The following IL1RAPL2 variants were observed in gnomAD, a reference collection of about 807,000 sequenced individuals.
IL1RAPL2 encodes the protein X-linked interleukin-1 receptor accessory protein-like 2.
Under a neutral mutation model 44.1 loss-of-function variants are expected in IL1RAPL2, and 3 were observed. The observed-to-expected ratio is 0.07, with a 90% CI of 0.03 to 0.18. The LOEUF is 0.18. Among genes scored for constraint, IL1RAPL2 ranks in the 10% least tolerant of loss-of-function variants. The pLI is 1.00. For synonymous variants in IL1RAPL2, 181 were observed against 178.8 expected (o/e 1.01, Z -0.10); for missense variants, 391 against 496.4 (o/e 0.79, Z 2.02).
At chrX:104,791,271 A>G (rs1932825183) in intron 2 of IL1RAPL2, among the ~76,000 whole-genome samples, 1 of 93,088 alleles carries the variant, frequency 1.1e-5, no homozygotes, top group Admixed American at 1.3e-4. Flanking sequence ...GCCCAGGGAG[A>G]AACAACCAAT....
At chrX:104,800,752 C>G (rs979073336) in intron 2 of IL1RAPL2, among the ~76,000 whole-genome samples, 3 of 112,290 alleles carry the variant, frequency 2.7e-5, no homozygotes, top group Non-Finnish European at 3.8e-5. Context: ...ATGCACTATC[C>G]CCCAGCAGAG....
At chrX:104,837,146 G>A (rs1168624113) in intron 2 of IL1RAPL2, among the ~76,000 whole-genome samples, 4 of 111,235 alleles carry the variant, frequency 3.6e-5, no homozygotes, top group Non-Finnish European at 7.5e-5. Context: ...CATTTGGGTT[G>A]GTTTCATGTC....
chrX:105,076,056 G>A (rs867829456), intron 2 of IL1RAPL2, among the ~76,000 whole-genome samples: 1 of 111,396 alleles, frequency 9.0e-6, no homozygotes, highest in Non-Finnish European at 1.9e-5. Context: ...GTTCTGCTCT[G>A]ATTTTAGTTA....
chrX:105,051,097 C>CAGCCTT (rs1274827703), intron 2 of IL1RAPL2, among the ~76,000 whole-genome samples: 1 of 112,669 alleles, frequency 8.9e-6, no homozygotes, highest in African/African-American at 3.2e-5. Flanking sequence ...GCTGGGCCCT[C>CAGCCTT]AGCCTTCAGG....
At chrX:104,986,515 G>A (rs1168805467) in intron 2 of IL1RAPL2, among the ~76,000 whole-genome samples, 2 of 112,076 alleles carry the variant, frequency 1.8e-5, no homozygotes, top group Non-Finnish European at 3.8e-5. Flanking sequence ...TACAAAAGTA[G>A]AACAACTAGT....
chrX:105,741,760 A>G (rs2038501941), intron 8 of IL1RAPL2, among the ~76,000 whole-genome samples: 1 of 111,909 alleles, frequency 8.9e-6, no homozygotes, highest in South Asian at 3.7e-4. Context: ...GAAGACCCAG[A>G]TTCAGGAGAT....
chrX:105,301,843 A>G (rs1403896681), intron 5 of IL1RAPL2, among the ~76,000 whole-genome samples: 1 of 112,228 alleles, frequency 8.9e-6, no homozygotes, highest in African/African-American at 3.2e-5. Context: ...ATCAGAGTGC[A>G]GATATATTTT....
At chrX:105,447,210 TATATATAAA>T (rs2035967877) in intron 5 of IL1RAPL2, among the ~76,000 whole-genome samples, 1 of 13,244 alleles carries the variant, frequency 7.6e-5, no homozygotes, top group African/African-American at 9.7e-4. Context: ...TATATATAAA[TATATATAAA>T]ATATATATAA....
chrX:105,040,356 T>C (rs1451726832), intron 2 of IL1RAPL2, among the ~76,000 whole-genome samples: 1 of 111,418 alleles, frequency 9.0e-6, no homozygotes, highest in Non-Finnish European at 1.9e-5. Context: ...TTTAGTTGTG[T>C]CTCTGCCAGG....
intron 5 of IL1RAPL2, among the ~76,000 whole-genome samples, chrX:105,333,274 C>T (rs887072873): frequency 9.0e-6 from 1 of 111,603 alleles, no homozygotes; most frequent in African/African-American, 3.3e-5. Flanking sequence ...GAAAGACCAT[C>T]TTTTCAATAA....
At chrX:104,926,512 G>C (rs1352410671) in intron 2 of IL1RAPL2, among the ~76,000 whole-genome samples, 1 of 111,795 alleles carries the variant, frequency 8.9e-6, no homozygotes, top group Non-Finnish European at 1.9e-5. Flanking sequence ...TTGATGTGAA[G>C]ATTAGATTGT....
chrX:105,032,302 C>G (rs777235165), intron 2 of IL1RAPL2, among the ~76,000 whole-genome samples: 1 of 107,496 alleles, frequency 9.3e-6, no homozygotes, highest in Non-Finnish European at 1.9e-5. Context: ...TTTTCTAGTT[C>G]TTTTAATTGT....
chrX:105,428,674 A>G (rs1405601170), intron 5 of IL1RAPL2, among the ~76,000 whole-genome samples: 1 of 112,288 alleles, frequency 8.9e-6, no homozygotes, highest in African/African-American at 3.2e-5. Flanking sequence ...AGATTTAGTC[A>G]ATACTAAACC....
intron 2 of IL1RAPL2, among the ~76,000 whole-genome samples, chrX:104,703,806 G>A (rs1931319225): frequency 8.9e-6 from 1 of 112,125 alleles, no homozygotes; most frequent in Admixed American, 9.5e-5. Context: ...AAGACACACA[G>A]CTATTAAGTA....
intron 6 of IL1RAPL2, among the ~76,000 whole-genome samples, chrX:105,539,918 C>T (rs2036707582): frequency 9.0e-6 from 1 of 111,269 alleles, no homozygotes; most frequent in Admixed American, 9.5e-5. Flanking sequence ...AACATGAAAA[C>T]ATGCTCAGCA....
chrX:105,243,651 A>G (rs910254621), intron 4 of IL1RAPL2, among the ~76,000 whole-genome samples: 5 of 105,992 alleles, frequency 4.7e-5, no homozygotes, highest in African/African-American at 1.7e-4. Flanking sequence ...TAAATTCCAG[A>G]AAGATGTATT....
chrX:105,477,594 A>G (rs776548849), intron 5 of IL1RAPL2, among the ~76,000 whole-genome samples: 1 of 112,132 alleles, frequency 8.9e-6, no homozygotes, highest in African/African-American at 3.2e-5. Context: ...AAGCTTGGCA[A>G]ATCTCCATTC....
intron 6 of IL1RAPL2, among the ~76,000 whole-genome samples, chrX:105,539,968 C>A: frequency 9.0e-6 from 1 of 110,855 alleles, no homozygotes; most frequent in East Asian, 2.8e-4. Flanking sequence ...AACCACAATA[C>A]CACTGTGAGA....
At chrX:105,179,880 G>A (rs1471246313) in intron 2 of IL1RAPL2, among the ~76,000 whole-genome samples, 1 of 110,204 alleles carries the variant, frequency 9.1e-6, no homozygotes, top group Non-Finnish European at 1.9e-5. Context: ...AAATCAAAGA[G>A]TTTTAGTGGA....
Sources: allele counts gnomAD v4.1 joint callset (sites outside exome capture counted in the v4.1 genomes callset), GRCh38; gene constraint gnomAD v4.1.1; transcripts MANE v1.5; gene names NCBI Gene and HGNC (gene_info 2026-07-23, HGNC 2026-07-21).